RPAIN: variants seen among roughly 807,000 people sequenced by gnomAD.
The protein encoded by RPAIN is RPA interacting protein.
A neutral mutation model predicts 30.5 loss-of-function variants in RPAIN; 29 were observed. The ratio of observed to expected loss-of-function variants is 0.95; its 90% CI spans 0.71 to 1.30. The LOEUF is 1.30. Ranked by LOEUF, RPAIN falls within the 50% of genes most tolerant of loss-of-function variation. The pLI is 0.00. For missense variants in RPAIN, 247 were observed against 264.7 expected (o/e 0.93, Z 0.46); for synonymous variants, 101 against 93.5 (o/e 1.08, Z -0.46).
chr17:5,421,480 A>T lies in RPAIN; in HGVS notation c.252+14A>T, dbSNP rs1313823533. On this transcript the variant is annotated intron_variant, in intron 2 of 6. Coordinates refer to ENST00000381209, the MANE Select transcript of RPAIN (RefSeq NM_001033002.4). ...GACTTGGCTCAGGTCAGGCTGGGCTATGTGTTTTCAGGGAGGGGGACTGCA... is the reference window on the plus strand; with the variant it reads ...GACTTGGCTCAGGTCAGGCTGGGCTTTGTGTTTTCAGGGAGGGGGACTGCA... 1.2e-6 allele frequency: 2 copies of T among 1,611,790 alleles called. No homozygotes were observed. The highest frequency in any genetic ancestry group is 1.1e-5 in the South Asian group (1 of 90,860).
At chr17:5,428,027 G>T in intron 5 of RPAIN, 44 bp from the exon 6 acceptor site, 1 of 1,597,772 alleles carries the variant, frequency 6.3e-7, no homozygotes, top group South Asian at 1.1e-5. Context: ...CCATCTGTTG[G>T]CTATCAAGTC....
At chr17:5,428,419 G>A in intron 6 of RPAIN, 19 of 1,462,348 alleles carry the variant, frequency 1.3e-5, no homozygotes, top group South Asian at 8.6e-5. Flanking sequence ...ATGGGATCAC[G>A]GCAAGAGGAT....
Position 5,426,072 on chromosome 17 carries a change from G to A in RPAIN, c.415G>A (p.Val139Ile), listed in dbSNP as rs116885661. The change falls in exon 4 of 7, where the codon GTA becomes ATA. Residue 139 changes from valine (V) to isoleucine (I), a missense_variant. Val to Ile is a conservative substitution (Grantham distance 29). Transcript: ENST00000381209. Reference sequence around the variant, plus strand: ...GGAGGCAAACCCACTCATCTGTCCTGTATGTACAAAGTAAGAGTTTTTAAA... The same window carrying A: ...GGAGGCAAACCCACTCATCTGTCCTATATGTACAAAGTAAGAGTTTTTAAA... ...EWEANPLICP[V>I]CTKYNLRITS... The A allele has an allele frequency of 1.2e-6, 2 of 1,611,392 alleles. No individual in the cohort carries two copies. The highest frequency in any genetic ancestry group is 1.7e-6 in the Non-Finnish European group (2 of 1,177,828).
intron 1 of RPAIN, among the ~76,000 whole-genome samples, chr17:5,421,086 A>C (rs4239056): frequency 0.3 from 45,317 of 152,114 alleles, 7,977 homozygotes; most frequent in East Asian, 0.82. Flanking sequence ...AAGCTAGAAT[A>C]AAAAATATGG....
Position 5,432,784 on chromosome 17 carries a change from A to C in RPAIN, c.*213A>C. 1 of 759,590 alleles carries C rather than the reference A, an allele frequency of 1.3e-6. No homozygotes were observed. Among genetic ancestry groups the C allele is most frequent in the Non-Finnish European group, 2.0e-6 (1 of 496,848 alleles). The allele number at this position is 759,590 out of a possible 1,614,324, so 47.1% of individuals were successfully genotyped here. A position where few individuals can be genotyped will look rare whatever the true frequency, so the allele number is the denominator to read the frequency against. ...AGAAAAAGACAAACTGCCTTGGAGGAGATAAACCAATTTTATGTCTATCAT... is the reference window on the plus strand; with the variant it reads ...AGAAAAAGACAAACTGCCTTGGAGGCGATAAACCAATTTTATGTCTATCAT... On this transcript the variant is annotated 3_prime_UTR_variant, in exon 7 of 7. Coordinates refer to ENST00000381209, the MANE Select transcript of RPAIN (RefSeq NM_001033002.4).
chr17:5,431,695 TA>T (rs1567589940), intron 6 of RPAIN: 1 of 453,640 alleles, frequency 2.2e-6, no homozygotes, highest in Non-Finnish European at 4.4e-6. Context: ...TGTTGAAAGA[TA>T]GGGGTGGGTT....
intron 6 of RPAIN, chr17:5,431,483 T>TCAAAAAAAAAA (rs1236153738): frequency 4.8e-6 from 1 of 209,638 alleles, no homozygotes; most frequent in African/African-American, 9.1e-5. Flanking sequence ...AGATTGTGCC[T>TCAAAAAAAAAA]TAAAAAAAAA....
In RPAIN at chr17:5,425,993, TGAG is replaced by T; in HGVS notation, c.337_339del (p.Glu113del). The T allele has an allele frequency of 6.2e-7, 1 of 1,613,764 alleles. No homozygotes were observed. The highest frequency in any genetic ancestry group is 8.5e-7 in the Non-Finnish European group (1 of 1,179,806). ...CAGAGCAGTCCATCATCAGCGAGTA[TGAG>T]AAGAGCTTGCAGTTTGATGAAAAGT... On this transcript the variant is annotated inframe_deletion, in exon 4 of 7. Coordinates refer to ENST00000381209, the MANE Select transcript of RPAIN (RefSeq NM_001033002.4).
intron 1 of RPAIN, among the ~76,000 whole-genome samples, chr17:5,420,759 A>G (rs920401668): frequency 2.0e-5 from 3 of 152,168 alleles, no homozygotes; most frequent in Admixed American, 2.0e-4. Flanking sequence ...GATACAGCAG[A>G]GTTTCTCAGC....
chr17:5,429,155 G>A (rs1398242578), intron 6 of RPAIN: 1 of 985,316 alleles, frequency 1.0e-6, no homozygotes, highest in Non-Finnish European at 1.2e-6. Flanking sequence ...TAAACAGGCA[G>A]TACCCTGGAG....
intron 2 of RPAIN, 50 bp downstream of exon 2, chr17:5,421,516 C>A: frequency 6.4e-7 from 1 of 1,556,190 alleles, no homozygotes; most frequent in Non-Finnish European, 8.8e-7. Context: ...CCACCAAGAA[C>A]GGCTCGTGTC....
chr17:5,421,269 C>A (rs766440032), intron 1 of RPAIN, 27 bp from the exon 2 acceptor site: 1 of 1,505,878 alleles, frequency 6.6e-7, no homozygotes, highest in South Asian at 1.3e-5. Flanking sequence ...TTTTTTTTTC[C>A]CCCCCAATCT....
rs779429329 is a variant in RPAIN, at chr17:5,421,296, A to G, written c.82A>G (p.Arg28Gly). 6 of 1,588,528 alleles carry G rather than the reference A, an allele frequency of 3.8e-6. No individual in the cohort carries two copies. The Admixed American group carries it at 5.6e-5, about 15-fold the overall frequency. The part of the protein sequence containing the change: ...SPPWKEAFRQ[R>G]CLERMRNSRD... ...CCCCAATCTTGCTCTTTTTTCCCAG[A>G]GATGCCTGGAGAGAATGAGAAACAG... The change falls in exon 2 of 7, where the codon AGA becomes GGA. Residue 28 changes from arginine (R) to glycine (G), a missense_variant and splice_region_variant. Physicochemically the swap from Arg to Gly is moderately radical, Grantham distance 125 (BLOSUM62 -2). Transcript: ENST00000381209.
intron 6 of RPAIN, chr17:5,432,308 T>A: frequency 2.1e-6 from 1 of 484,202 alleles, no homozygotes; most frequent in Non-Finnish European, 3.7e-6. Flanking sequence ...GATCTTAGCT[T>A]GAAGACTATT....
intron 6 of RPAIN, chr17:5,428,460 A>G: frequency 1.4e-6 from 2 of 1,433,830 alleles, no homozygotes; most frequent in South Asian, 3.0e-5. Context: ...CTGGCTCCAC[A>G]CCTGCTCTTC....
At chr17:5,424,757 G>A (rs772824449) in intron 3 of RPAIN, among the ~76,000 whole-genome samples, 16 of 152,220 alleles carry the variant, frequency 1.1e-4, no homozygotes, top group Non-Finnish European at 2.1e-4. Flanking sequence ...TGACACATAA[G>A]TGCCATGCAA....
chr17:5,425,288 C>T, intron 3 of RPAIN: 1 of 455,850 alleles, frequency 2.2e-6, no homozygotes, highest in African/African-American at 2.0e-5. Flanking sequence ...AACACAGATT[C>T]CAAGTATGTG....
chr17:5,425,965 T>A lies in RPAIN; in HGVS notation c.314-6T>A. ...GTGAAGCCCTCCAACTGCCTTTGCCTTGCAGAGCAGTCCATCATCAGCGAG... is the reference window on the plus strand; with the variant it reads ...GTGAAGCCCTCCAACTGCCTTTGCCATGCAGAGCAGTCCATCATCAGCGAG... On this transcript the variant is annotated splice_region_variant and splice_polypyrimidine_tract_variant and intron_variant, in intron 3 of 6. Transcript: ENST00000381209. 2 of 1,605,084 alleles carry A rather than the reference T, an allele frequency of 1.2e-6. No individual in the cohort carries two copies. Among genetic ancestry groups the A allele is most frequent in the Non-Finnish European group, 1.7e-6 (2 of 1,172,248 alleles).
chr17:5,423,667 T>G (rs1915090776), intron 3 of RPAIN, among the ~76,000 whole-genome samples: 1 of 152,218 alleles, frequency 6.6e-6, no homozygotes, highest in South Asian at 2.1e-4. Flanking sequence ...GAGGGAGGTG[T>G]CCATAGCATG....
Sources: gnomAD v4.1 joint callset for allele counts (sites outside exome capture counted in the v4.1 genomes callset) on GRCh38, gnomAD v4.1.1 for gene constraint, MANE v1.5 for transcripts, NCBI Gene and HGNC (gene_info 2026-07-23, HGNC 2026-07-21) for gene names.